Variants in FSTL5 observed in about 807,000 individuals in gnomAD.
The protein encoded by FSTL5 is follistatin-related protein 5.
Under a neutral mutation model 89.1 loss-of-function variants are expected in FSTL5, and 62 were observed. The observed-to-expected ratio is 0.70, with a 90% CI of 0.57 to 0.86. FSTL5 has a LOEUF of 0.86. FSTL5 is among the 40% of genes least tolerant of loss of function. FSTL5 has a pLI of 0.00. For missense variants in FSTL5, 1,057 were observed against 1,001.6 expected (o/e 1.06, Z -0.75); for synonymous variants, 383 against 346.2 (o/e 1.11, Z -1.18).
At chr4:161,540,385 G>A (rs2126542124) in intron 9 of FSTL5, among the ~76,000 whole-genome samples, 1 of 151,970 alleles carries the variant, frequency 6.6e-6, no homozygotes, top group East Asian at 1.9e-4. Flanking sequence ...TACTTTGTTT[G>A]ATGTTTCCCA....
chr4:161,588,444 C>T (rs1374221664), intron 7 of FSTL5, among the ~76,000 whole-genome samples: 1 of 151,804 alleles, frequency 6.6e-6, no homozygotes, highest in Admixed American at 6.6e-5. Flanking sequence ...AATACAATAA[C>T]CATACCACTT....
At chr4:161,936,231 G>A (rs949336373) in intron 3 of FSTL5, among the ~76,000 whole-genome samples, 2 of 152,150 alleles carry the variant, frequency 1.3e-5, no homozygotes, top group African/African-American at 4.8e-5. Flanking sequence ...AGAAAGCAAT[G>A]AAAGTTCTTT....
At position 161,460,348 on chromosome 4, in the gene FSTL5, C is replaced by CTAAGTACTTATCCATA. The variant is rs371379603; in HGVS notation, c.1609-1030_1609-1029insTATGGATAAGTACTTA. Among the ~76,000 whole-genome samples, 86 of 138,650 alleles carry CTAAGTACTTATCCATA rather than the reference C, an allele frequency of 6.2e-4. 3 individuals are homozygous for CTAAGTACTTATCCATA. Among genetic ancestry groups the CTAAGTACTTATCCATA allele is most frequent in the Middle Eastern group, 7.9e-3 (2 of 254 alleles). The allele number at this position is 138,650 out of a possible 152,430, so 91.0% of individuals were successfully genotyped here. Reference sequence around the variant, plus strand: ...TGGTGTGCTGCACCCGTTAACTTGTCATTTACATTAGGTGTATCTCCTAAT... The same window carrying CTAAGTACTTATCCATA: ...TGGTGTGCTGCACCCGTTAACTTGTCTAAGTACTTATCCATAATTTACATTAGGTGTATCTCCTAAT... On this transcript the variant is annotated intron_variant, in intron 13 of 15. Coordinates refer to ENST00000306100, the MANE Select transcript of FSTL5 (RefSeq NM_020116.5).
At chr4:162,111,177 A>C (rs896690440) in intron 2 of FSTL5, 94 bp downstream of exon 2, 5 of 1,000,434 alleles carry the variant, frequency 5.0e-6, no homozygotes, top group Non-Finnish European at 7.0e-6. Flanking sequence ...CATATTCTGA[A>C]ATAAGTGCTC....
At chr4:161,893,100 CAAATATACT>C (rs901385504) in intron 4 of FSTL5, among the ~76,000 whole-genome samples, 1 of 152,082 alleles carries the variant, frequency 6.6e-6, no homozygotes, top group Non-Finnish European at 1.5e-5. Context: ...TCTGGTTAAG[CAAATATACT>C]TAAAGATACT....
At chr4:162,018,727 G>A (rs1736988993) in intron 3 of FSTL5, among the ~76,000 whole-genome samples, 1 of 151,886 alleles carries the variant, frequency 6.6e-6, no homozygotes. Flanking sequence ...AAAACACTGT[G>A]CCCTAAATAA....
intron 2 of FSTL5, among the ~76,000 whole-genome samples, chr4:162,060,175 C>G (rs867480502): frequency 6.6e-6 from 1 of 152,050 alleles, no homozygotes; most frequent in African/African-American, 2.4e-5. Context: ...TGCCATTTCT[C>G]TTATGTCTAT....
At chr4:161,472,945 G>C (rs1398809880) in intron 13 of FSTL5, among the ~76,000 whole-genome samples, 1 of 151,976 alleles carries the variant, frequency 6.6e-6, no homozygotes, top group Non-Finnish European at 1.5e-5. Context: ...GGATCGTCTC[G>C]ATCTCTTGAT....
intron 7 of FSTL5, among the ~76,000 whole-genome samples, chr4:161,597,022 C>A (rs1211254417): frequency 6.6e-6 from 1 of 152,054 alleles, no homozygotes; most frequent in Non-Finnish European, 1.5e-5. Context: ...TGTGCAGAAG[C>A]TCTTTAGTTT....
chr4:161,522,624 T>C (rs1173027377), intron 10 of FSTL5, among the ~76,000 whole-genome samples: 2 of 151,488 alleles, frequency 1.3e-5, no homozygotes, highest in Admixed American at 6.6e-5. Context: ...CTCTACAAGA[T>C]AGTCAGCAAA....
In FSTL5 at chr4:161,825,379, T is replaced by G. The variant is rs540643978; in HGVS notation, c.410-49305A>C. On this transcript the variant is annotated intron_variant, in intron 4 of 15. Transcript: ENST00000306100. ...TTTTGTGTTATGTCCTTTCCTGGTT[T>G]TGGTATTAGGGTGATACTGGTTTCA... Among the ~76,000 whole-genome samples, 3 of 152,266 alleles carry G rather than the reference T, an allele frequency of 2.0e-5. No homozygotes were observed. The South Asian group carries it at 6.2e-4, about 32-fold the overall frequency.
intron 4 of FSTL5, among the ~76,000 whole-genome samples, chr4:161,792,166 C>A (rs542192639): frequency 6.6e-6 from 1 of 152,102 alleles, no homozygotes; most frequent in Non-Finnish European, 1.5e-5. Context: ...CAATGTTGAG[C>A]CGAGCCCAGG....
chr4:162,105,301 G>A (rs1731178573), intron 2 of FSTL5, among the ~76,000 whole-genome samples: 1 of 152,090 alleles, frequency 6.6e-6, no homozygotes, highest in African/African-American at 2.4e-5. Context: ...CCTCCATACT[G>A]TACATTAGAT....
At chr4:161,387,670 A>T (rs1269149567) in intron 15 of FSTL5, 1 of 152,070 alleles carries the variant, frequency 6.6e-6, no homozygotes, top group Non-Finnish European at 1.5e-5. Context: ...TAAATATCAT[A>T]GAAAAATAAA....
At chr4:161,518,760 A>G (rs1446749669) in intron 10 of FSTL5, among the ~76,000 whole-genome samples, 1 of 152,244 alleles carries the variant, frequency 6.6e-6, no homozygotes, top group Admixed American at 6.5e-5. Flanking sequence ...GGCAGTGGTT[A>G]TGTCATAGCG....
At chr4:161,752,105 T>A (rs1213890815) in intron 6 of FSTL5, among the ~76,000 whole-genome samples, 1 of 152,166 alleles carries the variant, frequency 6.6e-6, no homozygotes, top group East Asian at 1.9e-4. Context: ...TTGTTTTATT[T>A]TTTAAATAGC....
chr4:161,565,958 T>C (rs1732785221), intron 8 of FSTL5, among the ~76,000 whole-genome samples: 1 of 150,934 alleles, frequency 6.6e-6, no homozygotes, highest in African/African-American at 2.4e-5. Flanking sequence ...GGTTGAATGA[T>C]AGATCTACAT....
At chr4:161,699,685 T>C (rs1159893006) in intron 6 of FSTL5, among the ~76,000 whole-genome samples, 1 of 152,212 alleles carries the variant, frequency 6.6e-6, no homozygotes, top group African/African-American at 2.4e-5. Flanking sequence ...TTTTTAAATG[T>C]TAGGACAAAA....
chr4:161,459,844 T>A (rs1273171032), intron 13 of FSTL5, among the ~76,000 whole-genome samples: 1 of 152,040 alleles, frequency 6.6e-6, no homozygotes, highest in Non-Finnish European at 1.5e-5. Context: ...ATCAGCTAGT[T>A]AAGTTTCCTT....
Sources: allele counts gnomAD v4.1 joint callset (sites outside exome capture counted in the v4.1 genomes callset), GRCh38; gene constraint gnomAD v4.1.1; transcripts MANE v1.5; gene names NCBI Gene and HGNC (gene_info 2026-07-23, HGNC 2026-07-21).